OTUD7B: variants seen among roughly 807,000 people sequenced by gnomAD.
OTUD7B encodes the protein OTU domain-containing protein 7B.
A neutral mutation model predicts 82.2 loss-of-function variants in OTUD7B; 34 were observed. The observed-to-expected ratio is 0.41, with a 90% CI of 0.31 to 0.55. The LOEUF (loss-of-function observed/expected upper bound fraction) is 0.55, where lower values mean the gene tolerates loss of function less well. OTUD7B is among the 20% of genes least tolerant of loss of function. The probability of loss-of-function intolerance (pLI) is 0.20; values close to 1 mark genes in which losing one functional copy is unlikely to be tolerated. For missense variants in OTUD7B, 944 were observed against 1,062.1 expected (o/e 0.89, Z 1.55); for synonymous variants, 398 against 402.7 (o/e 0.99, Z 0.14).
Position 149,967,393 on chromosome 1 carries a change from A to G in OTUD7B, c.403T>C (p.Phe135Leu). The G allele has an allele frequency of 6.2e-7, 1 of 1,614,188 alleles. No individual in the cohort carries two copies. Among genetic ancestry groups the G allele is most frequent in the South Asian group, 1.1e-5 (1 of 91,084 alleles). Residue 135 changes from phenylalanine to leucine, a missense_variant, in exon 4 of 12, where the codon TTC becomes CTC. Coordinates refer to ENST00000581312, the MANE Select transcript of OTUD7B (RefSeq NM_020205.4). ...TATACAGTGAGATCTGGAAGCTGGAAGGCACAGATGGGCATTTCCAGGGGG... is the reference window on the plus strand; with the variant it reads ...TATACAGTGAGATCTGGAAGCTGGAGGGCACAGATGGGCATTTCCAGGGGG... ...EHPLEMPICA[F>L]QLPDLTVYNE...
chr1:149,977,554 T>C lies in OTUD7B; in HGVS notation c.-44A>G, dbSNP rs782258662. ...CAGCCAGCTGGATGTAGGTAGAACA[T>C]AGATCAAAATTCAGGCCTCCACCTG... On this transcript the variant is annotated 5_prime_UTR_variant, in exon 2 of 12. It removes an upstream start codon present in the reference 5' UTR. Coordinates refer to ENST00000581312, the MANE Select transcript of OTUD7B (RefSeq NM_020205.4). 3.9e-5 allele frequency: 56 copies of C among 1,454,500 alleles called. No homozygotes were observed. Among genetic ancestry groups the C allele is most frequent in the African/African-American group, 8.4e-5 (6 of 71,792 alleles). The allele number at this position is 1,454,500 out of a possible 1,614,324, so 90.1% of individuals were successfully genotyped here.
At chr1:150,027,859 A>C in the OTUD7B span, among the ~76,000 whole-genome samples, 6 of 152,014 alleles carry the variant, frequency 3.9e-5, no homozygotes, top group African/African-American at 1.5e-4. Flanking sequence ...TAAAAAACTG[A>C]CTAATTTGGT....
At chr1:150,065,049 A>C in the OTUD7B span, among the ~76,000 whole-genome samples, 1 of 151,304 alleles carries the variant, frequency 6.6e-6, no homozygotes, top group Non-Finnish European at 1.5e-5. Context: ...TTTAACTTAC[A>C]TATTTACAAG....
the OTUD7B span, among the ~76,000 whole-genome samples, chr1:150,035,401 G>C: frequency 6.6e-6 from 1 of 152,168 alleles, no homozygotes; most frequent in Admixed American, 6.5e-5. Context: ...CAGAGACAGA[G>C]AGGGGAACAC....
rs782297708 is a variant in OTUD7B, at chr1:149,943,990, G to T, written c.2399C>A (p.Thr800Asn). The change falls in exon 12 of 12, where the codon ACC becomes AAC. Residue 800 changes from threonine (T) to asparagine (N), a missense_variant. By Grantham distance (65) the Thr-to-Asn change is moderately conservative. Around this residue, in one of 3 missense-constraint regions of OTUD7B, gnomAD observed 412 missense variants for 418.7 expected, o/e 0.98. Transcript: ENST00000581312. ...GCTGCAGTTCGGTTGTTTGCATTTG[G>T]TCTGAGTTGGGGGAAGGCCCCGGAG... ...GGLRGLPPTQ[T>N]KCKQPNCSFY... The T allele has an allele frequency of 1.2e-6, 2 of 1,614,220 alleles. No individual in the cohort carries two copies. The highest frequency in any genetic ancestry group is 1.7e-6 in the Non-Finnish European group (2 of 1,180,048).
At chr1:150,065,072 G>A in the OTUD7B span, among the ~76,000 whole-genome samples, 2 of 128,504 alleles carry the variant, frequency 1.6e-5, no homozygotes, top group Non-Finnish European at 3.2e-5. Context: ...TAAATAAAAT[G>A]TACAAATGTA....
chr1:149,950,027 A>G, intron 8 of OTUD7B, 67 bp downstream of exon 8: 1 of 1,588,960 alleles, frequency 6.3e-7, no homozygotes, highest in Non-Finnish European at 8.6e-7. Flanking sequence ...CTTCCTTCCA[A>G]TGCTTAGCCT....
rs143972673 is a variant in OTUD7B, at chr1:149,949,577, T to C, written c.1123+52A>G. On this transcript the variant is annotated intron_variant, in intron 9 of 11. Transcript: ENST00000581312. The stretch of plus-strand genomic sequence containing the variant: ...TCTTTCCTCCTACATTAGATCTCAT[T>C]CAATTTTTTCAAGTGAAAATAATGC... 4.7e-4 allele frequency: 750 copies of C among 1,582,462 alleles called. 4 individuals are homozygous for C. In the African/African-American group the frequency reaches 9.2e-3, roughly 20 times the overall value.
At chr1:149,988,250 ATTTG>A (rs751605040) in intron 1 of OTUD7B, among the ~76,000 whole-genome samples, 5 of 152,284 alleles carry the variant, frequency 3.3e-5, no homozygotes, top group Non-Finnish European at 7.4e-5. Context: ...AAAACAATTT[ATTTG>A]TTTATCATAT....
At chr1:149,968,079 C>T (rs782717826) in intron 3 of OTUD7B, among the ~76,000 whole-genome samples, 3 of 151,990 alleles carry the variant, frequency 2.0e-5, no homozygotes, top group Non-Finnish European at 4.4e-5. Context: ...GCCTGACCAA[C>T]GTGGTGAAAC....
At chr1:150,034,584 C>T in the OTUD7B span, among the ~76,000 whole-genome samples, 1 of 152,186 alleles carries the variant, frequency 6.6e-6, no homozygotes, top group African/African-American at 2.4e-5. Context: ...GACAGAGCTA[C>T]TTTAAAAAAA....
In OTUD7B at chr1:149,940,777, T is replaced by C. The variant is rs1273917156; in HGVS notation, c.*3080A>G. ...CCTTCTCCCCAACCCAGTAACGACA[T>C]GGGCTTGCCTCTTCTATTCCCTCAT... On this transcript the variant is annotated 3_prime_UTR_variant, in exon 12 of 12. Transcript: ENST00000581312. The C allele has an allele frequency of 6.6e-6, 1 of 152,058 alleles. No individual in the cohort carries two copies. Among genetic ancestry groups the C allele is most frequent in the African/African-American group, 2.4e-5 (1 of 41,382 alleles). The allele number at this position is 152,058 out of a possible 1,614,324, so 9.4% of individuals were successfully genotyped here.
the OTUD7B span, among the ~76,000 whole-genome samples, chr1:150,036,219 G>A: frequency 6.6e-6 from 1 of 150,410 alleles, no homozygotes. Context: ...ATCCCAAAGT[G>A]CTGGGATTAC....
upstream of OTUD7B, among the ~76,000 whole-genome samples, chr1:150,014,994 T>C (rs1553788189): frequency 1.3e-5 from 2 of 152,242 alleles, no homozygotes; most frequent in African/African-American, 4.8e-5. Flanking sequence ...GATTATTTGA[T>C]TGATATTTAC....
chr1:150,005,953 C>T (rs1359251824), intron 1 of OTUD7B, among the ~76,000 whole-genome samples: 2 of 152,080 alleles, frequency 1.3e-5, no homozygotes, highest in African/African-American at 4.8e-5. Context: ...AGAAATTGGT[C>T]TATCAACATA....
chr1:150,017,888 A>G, the OTUD7B span, among the ~76,000 whole-genome samples: 1 of 152,140 alleles, frequency 6.6e-6, no homozygotes, highest in Non-Finnish European at 1.5e-5. Context: ...TTCTCCCCAC[A>G]TCAGGGAGCT....
intron 1 of OTUD7B, among the ~76,000 whole-genome samples, chr1:150,005,806 C>T (rs1652622933): frequency 6.6e-6 from 1 of 152,146 alleles, no homozygotes; most frequent in East Asian, 1.9e-4. Context: ...AACAACACAA[C>T]ATAATGTAGT....
In OTUD7B at chr1:149,944,089, G is replaced by C. The variant is rs782283906; in HGVS notation, c.2300C>G (p.Pro767Arg). 6.2e-7 allele frequency: 1 copy of C among 1,614,078 alleles called. No individual in the cohort carries two copies. The highest frequency in any genetic ancestry group is 2.2e-5 in the East Asian group (1 of 44,872). ...DGLHRGALLP[P>R]PYRVADSYSN... ...ATAGGAATCAGCCACTCGGTAGGGGGGTGGTAACAAGGCACCCCTGTGAAG... is the reference window on the plus strand; with the variant it reads ...ATAGGAATCAGCCACTCGGTAGGGGCGTGGTAACAAGGCACCCCTGTGAAG... The change falls in exon 12 of 12, where the codon CCC becomes CGC. Residue 767 changes from proline to arginine, a missense_variant. This residue lies in a region of OTUD7B where 412 missense variants were observed against 418.7 expected (regional missense o/e 0.98). Coordinates refer to ENST00000581312, the MANE Select transcript of OTUD7B (RefSeq NM_020205.4).
At chr1:149,983,264 T>C (rs73011909) in intron 1 of OTUD7B, among the ~76,000 whole-genome samples, 3,198 of 152,132 alleles carry the variant, frequency 0.021, 91 homozygotes, top group African/African-American at 0.07. Flanking sequence ...GGCACTATGC[T>C]CATGAGTAAA....
Sources: gnomAD v4.1 joint callset for allele counts (sites outside exome capture counted in the v4.1 genomes callset) on GRCh38, gnomAD v4.1.1 for gene constraint, gnomAD v4.1.1 regional missense constraint, MANE v1.5 for transcripts, NCBI Gene and HGNC (gene_info 2026-07-23, HGNC 2026-07-21) for gene names.